Variants in NUP153 observed in about 807,000 individuals in gnomAD.
NUP153 encodes nucleoporin 153.
In NUP153, 27 loss-of-function variants were observed where a neutral mutation model predicts 134.6. That is an observed-to-expected ratio of 0.20 (90% CI 0.15 to 0.28). The LOEUF is 0.28. Ranked by LOEUF, NUP153 falls within the 10% of genes least tolerant of loss-of-function variation. The pLI, the probability that NUP153 is intolerant of heterozygous loss-of-function variation, is 1.00. For missense variants in NUP153, 1,821 were observed against 1,731.3 expected, an observed-to-expected ratio of 1.05 and a Z score of -0.92; for synonymous variants, 640 against 623.5, an observed-to-expected ratio of 1.03 and a Z score of -0.40.
chr6:17,638,161 T>C lies in NUP153; in HGVS notation c.1847-391A>G, dbSNP rs771051772. ...TCCATTTCTTCTTTTAAGTGTTCCATTGGCTACACCAAATGGCTTCAATGT... is the reference window on the plus strand; with the variant it reads ...TCCATTTCTTCTTTTAAGTGTTCCACTGGCTACACCAAATGGCTTCAATGT... On this transcript the variant is annotated intron_variant, in intron 15 of 21. Transcript: ENST00000262077. The surrounding 1 kb of genome is among the most constrained non-coding windows in gnomAD (Gnocchi z 4.0). Among the ~76,000 whole-genome samples the C allele has an allele frequency of 4.6e-5, 7 of 152,232 alleles. No individual in the cohort carries two copies. Among genetic ancestry groups the C allele is most frequent in the Non-Finnish European group, 7.3e-5 (5 of 68,032 alleles).
intron 20 of NUP153, among the ~76,000 whole-genome samples, chr6:17,619,846 C>T (rs1245715394): frequency 1.3e-5 from 2 of 152,066 alleles, no homozygotes; most frequent in Admixed American, 6.5e-5. Context: ...ACCTATAATC[C>T]TAGCAGTTTG....
At chr6:17,684,922 G>T (rs989609380) in intron 2 of NUP153, among the ~76,000 whole-genome samples, 1 of 152,134 alleles carries the variant, frequency 6.6e-6, no homozygotes, top group Non-Finnish European at 1.5e-5. Context: ...GGTGTGGCTC[G>T]TGGCACCCCA....
rs774856841 is a variant in NUP153 at position 17,669,446 on chromosome 6, A to G, written c.953T>C (p.Met318Thr). ...ARRILQSLEK[M>T]SSPLADAKRI... ...AAAATTTACCGCTAAAGGGCTTGAC[A>G]TCTTCTCTAAAGACTGCAATATTCG... The change falls in exon 6 of 22, where the codon ATG (methionine) becomes ACG (threonine). Residue 318 changes from methionine (M) to threonine (T), a missense_variant. By Grantham distance (81) the Met-to-Thr change is moderately conservative (BLOSUM62 -1). Transcript: ENST00000262077. 3 of 1,613,578 alleles carry G rather than the reference A, an allele frequency of 1.9e-6. No individual in the cohort carries two copies. Among genetic ancestry groups the G allele is most frequent in the Non-Finnish European group, 2.5e-6 (3 of 1,179,468 alleles).
chr6:17,618,562 C>CTTT (rs34236407), intron 20 of NUP153, among the ~76,000 whole-genome samples: 3 of 133,466 alleles, frequency 2.2e-5, no homozygotes, highest in South Asian at 2.3e-4. Flanking sequence ...TAAAATCTCT[C>CTTT]TTTTTTTTTT....
chr6:17,700,437 C>T (rs1051310705), intron 1 of NUP153, among the ~76,000 whole-genome samples: 1 of 152,208 alleles, frequency 6.6e-6, no homozygotes, highest in African/African-American at 2.4e-5. Context: ...GTTTTCCTAA[C>T]AACTATCCTA....
At chr6:17,641,508 C>T (rs1357944215) in intron 14 of NUP153, among the ~76,000 whole-genome samples, 1 of 151,892 alleles carries the variant, frequency 6.6e-6, no homozygotes, top group Non-Finnish European at 1.5e-5. Context: ...GTACTCCAGC[C>T]TGGTGACAGA....
At chr6:17,655,925 C>G (rs1386176265) in intron 11 of NUP153, among the ~76,000 whole-genome samples, 1 of 152,200 alleles carries the variant, frequency 6.6e-6, no homozygotes, top group African/African-American at 2.4e-5. Context: ...CAAGGTAGGG[C>G]TGGGCGCAGT....
rs1376389665 is a variant in NUP153, at chr6:17,638,325, T to C, written c.1847-555A>G. ...TCAAGCTGTATTTTACTCATGAGAA[T>C]GACTTTTGTAATTGTTTACTTAGGA... is the stretch of plus-strand genomic sequence containing the variant. On this transcript the variant is annotated intron_variant, in intron 15 of 21. Transcript: ENST00000262077. The surrounding 1 kb of genome is among the most constrained non-coding windows in gnomAD (Gnocchi z 4.0). Among the ~76,000 whole-genome samples, 1 of 152,258 alleles carries C rather than the reference T, an allele frequency of 6.6e-6. No individual in the cohort carries two copies. Among genetic ancestry groups the C allele is most frequent in the Non-Finnish European group, 1.5e-5 (1 of 68,054 alleles).
At chr6:17,696,599 TAAA>T (rs1384286484) in intron 1 of NUP153, among the ~76,000 whole-genome samples, 2 of 151,714 alleles carry the variant, frequency 1.3e-5, no homozygotes, top group Non-Finnish European at 2.9e-5. Context: ...ATTAAAAATA[TAAA>T]AAATTAGCTG....
chr6:17,648,025 T>G (rs1766300886), intron 12 of NUP153, 120 bp from the exon 13 acceptor site: 2 of 654,378 alleles, frequency 3.1e-6, no homozygotes, highest in Non-Finnish European at 5.3e-6. Context: ...TCCTTTTAAA[T>G]TTAAAAATCT....
At chr6:17,630,756 GGGAGAGGGGAGAGGGGAGA>G (rs1765206286) in intron 17 of NUP153, among the ~76,000 whole-genome samples, 1 of 140,916 alleles carries the variant, frequency 7.1e-6, no homozygotes, top group Non-Finnish European at 1.5e-5. Context: ...GAGAAGGGAG[GGGAGAGGGGAGAGGGGAGA>G]GGAGAGAAGA....
intron 2 of NUP153, among the ~76,000 whole-genome samples, chr6:17,676,826 G>A (rs1451968736): frequency 2.0e-5 from 3 of 152,192 alleles, no homozygotes; most frequent in African/African-American, 7.2e-5. Context: ...GCAGAGTAGG[G>A]AACTGTGCAG....
At chr6:17,634,112 C>A (rs185194753) in intron 16 of NUP153, among the ~76,000 whole-genome samples, 2 of 152,170 alleles carry the variant, frequency 1.3e-5, no homozygotes, top group East Asian at 1.9e-4. Context: ...ATGAACCCCC[C>A]CCATTACTCC....
chr6:17,688,242 T>G (rs1199717749), intron 2 of NUP153, among the ~76,000 whole-genome samples, 154 bp downstream of exon 2: 1 of 152,232 alleles, frequency 6.6e-6, no homozygotes, highest in African/African-American at 2.4e-5. Context: ...AAAACACTGA[T>G]AAATAAAAAA....
chr6:17,704,513 G>A (rs1365932989), intron 1 of NUP153, among the ~76,000 whole-genome samples: 1 of 152,102 alleles, frequency 6.6e-6, no homozygotes, highest in Non-Finnish European at 1.5e-5. Flanking sequence ...CCAGGCTTGT[G>A]ACCTGAATTC....
At chr6:17,688,282 T>C (rs1769063496) in intron 2 of NUP153, 114 bp downstream of exon 2, 1 of 697,522 alleles carries the variant, frequency 1.4e-6, no homozygotes, top group Non-Finnish European at 2.4e-6. Context: ...ATTATCATCC[T>C]CTTCCCATAT....
At chr6:17,658,397 A>G (rs894695680) in intron 11 of NUP153, among the ~76,000 whole-genome samples, 6 of 152,204 alleles carry the variant, frequency 3.9e-5, no homozygotes, top group African/African-American at 1.4e-4. Flanking sequence ...CTGTCTCAAA[A>G]CAGAAAACAA....
At chr6:17,700,870 T>G (rs531630381) in intron 1 of NUP153, among the ~76,000 whole-genome samples, 3 of 152,338 alleles carry the variant, frequency 2.0e-5, no homozygotes, top group Admixed American at 6.5e-5. Context: ...TCTGTGTCCC[T>G]TTCAGAAAAA....
At chr6:17,665,431 A>G (rs763425299) in intron 8 of NUP153, 46 bp from the exon 9 acceptor site, 1 of 1,487,644 alleles carries the variant, frequency 6.7e-7, no homozygotes, top group Non-Finnish European at 9.2e-7. Flanking sequence ...CATATAAATC[A>G]ATGATTCATA....
Sources: allele counts gnomAD v4.1 joint callset (sites outside exome capture counted in the v4.1 genomes callset), GRCh38; gene constraint gnomAD v4.1.1; non-coding constraint Gnocchi (gnomAD v3.1); transcripts MANE v1.5; gene names NCBI Gene and HGNC (gene_info 2026-07-23, HGNC 2026-07-21).